Variants in PTPRR observed in about 807,000 individuals in gnomAD.
PTPRR encodes protein tyrosine phosphatase receptor type R, also known as receptor-type tyrosine-protein phosphatase R.
PTPRR carries 38 observed loss-of-function variants against 77.2 expected under a neutral mutation model. That is an observed-to-expected ratio of 0.49 (90% confidence interval 0.38 to 0.65). The LOEUF is 0.65. Among genes scored for constraint, PTPRR ranks in the 30% least tolerant of loss-of-function variants. The pLI is 0.00. For missense variants in PTPRR, 744 were observed against 799.2 expected, an observed-to-expected ratio of 0.93 and a Z score of 0.83; for synonymous variants, 299 against 283.1, an observed-to-expected ratio of 1.06 and a Z score of -0.57.
At chr12:70,681,538 G>A (rs969079588) in intron 10 of PTPRR, among the ~76,000 whole-genome samples, 4 of 152,180 alleles carry the variant, frequency 2.6e-5, no homozygotes, top group African/African-American at 4.8e-5. Context: ...GGGAGATGGC[G>A]GTGTGGCAGA....
At chr12:70,652,941 T>TA (rs1886449905) in intron 13 of PTPRR, among the ~76,000 whole-genome samples, 1 of 152,028 alleles carries the variant, frequency 6.6e-6, no homozygotes, top group Admixed American at 6.6e-5. Context: ...AATGGTAACA[T>TA]AACAAGAGCC....
chr12:70,746,474 A>G (rs1036586761), intron 5 of PTPRR, among the ~76,000 whole-genome samples: 1 of 152,222 alleles, frequency 6.6e-6, no homozygotes, highest in African/African-American at 2.4e-5. Flanking sequence ...TATACATCCA[A>G]CATGGCTTAG....
chr12:70,754,518 T>C (rs1890508610), intron 4 of PTPRR: 1 of 1,581,120 alleles, frequency 6.3e-7, no homozygotes. Flanking sequence ...GGAGCAAGCG[T>C]GCCTGACATG....
chr12:70,720,235 C>T (rs1353058566), intron 6 of PTPRR, among the ~76,000 whole-genome samples: 1 of 152,114 alleles, frequency 6.6e-6, no homozygotes, highest in African/African-American at 2.4e-5. Context: ...ATTACCTGGG[C>T]TCGAATCCTA....
In PTPRR at chr12:70,761,613, C is replaced by T. The variant is rs1890693202; in HGVS notation, c.485G>A (p.Ser162Asn). The change falls in exon 4 of 14, where the codon AGT becomes AAT. Residue 162 changes from serine (S) to asparagine (N), a missense_variant. Physicochemically the swap from Ser to Asn is conservative, Grantham distance 46. Transcript: ENST00000283228. ...TATGGGAGACACAAACAGTTCAATA[C>T]TGTTCTTCTTTCCCTAATAAAAGCA... ...HINRLIGKKNSIELFVSPINR... is the reference protein window; with the variant it reads ...HINRLIGKKNNIELFVSPINR... 1.3e-6 allele frequency: 2 copies of T among 1,579,544 alleles called. No individual in the cohort carries two copies. Among genetic ancestry groups the T allele is most frequent in the Middle Eastern group, 1.7e-4 (1 of 5,902 alleles).
At position 70,707,107 on chromosome 12, in the gene PTPRR, T is replaced by C. The variant is rs75992242; in HGVS notation, c.1008-5784A>G. 5.9e-5 allele frequency among the ~76,000 whole-genome samples: 9 copies of C among 152,258 alleles called. No individual in the cohort carries two copies. The East Asian group carries it at 1.4e-3, about 23-fold the overall frequency. ...TAAGAGTTAGCAGCAGTATCACACA[T>C]GCAAAATCAATGGTCGTCTAAGTTG... On this transcript the variant is annotated intron_variant, in intron 6 of 13. Coordinates refer to ENST00000283228, the MANE Select transcript of PTPRR (RefSeq NM_002849.4).
At chr12:70,658,912 T>TTTTTTTTTTTTTTTTTTTA (rs1886688717) in intron 12 of PTPRR, among the ~76,000 whole-genome samples, 1 of 136,644 alleles carries the variant, frequency 7.3e-6, no homozygotes, top group Non-Finnish European at 1.5e-5. Context: ...TTTTTTTTTT[T>TTTTTTTTTTTTTTTTTTTA]TTTATAAGAC....
rs1245410976 is a variant in PTPRR, at chr12:70,800,945, T to A, written c.358-36167A>T. On this transcript the variant is annotated intron_variant, in intron 2 of 13. Transcript: ENST00000283228. ...ATGACTTTTCCTAAGGCCACATGCC[T>A]ATTAAGTCATGCACCTTCTCCCCAC... 4.0e-5 allele frequency among the ~76,000 whole-genome samples: 6 copies of A among 151,418 alleles called. No individual in the cohort carries two copies. In the East Asian group the frequency reaches 1.2e-3, roughly 29 times the overall value.
chr12:70,822,807 T>C (rs905084458), intron 2 of PTPRR, among the ~76,000 whole-genome samples: 6 of 152,206 alleles, frequency 3.9e-5, no homozygotes, highest in Admixed American at 3.9e-4. Flanking sequence ...ATGGACTTCA[T>C]ACGACCATAA....
chr12:70,663,371 G>A (rs1440941076), intron 10 of PTPRR, among the ~76,000 whole-genome samples: 2 of 152,110 alleles, frequency 1.3e-5, no homozygotes, highest in African/African-American at 4.8e-5. Flanking sequence ...GTGAATCCAC[G>A]AACAAGATAC....
intron 2 of PTPRR, among the ~76,000 whole-genome samples, chr12:70,869,086 AT>A (rs1892915399): frequency 6.7e-6 from 1 of 150,264 alleles, no homozygotes; most frequent in Non-Finnish European, 1.5e-5. Context: ...CTAATGCTAA[AT>A]GACGAGTTAA....
intron 13 of PTPRR, chr12:70,639,557 T>TTA: frequency 8.1e-6 from 9 of 1,114,404 alleles, no homozygotes; most frequent in Non-Finnish European, 1.0e-5. Flanking sequence ...AGCCTAATGA[T>TTA]CAAGTACTTG....
chr12:70,814,582 G>A (rs1306544871), intron 2 of PTPRR, among the ~76,000 whole-genome samples: 2 of 152,134 alleles, frequency 1.3e-5, no homozygotes, highest in Non-Finnish European at 2.9e-5. Flanking sequence ...CTGAACAGCA[G>A]CAAGGCATGG....
At chr12:70,829,771 A>G (rs900098761) in intron 2 of PTPRR, among the ~76,000 whole-genome samples, 10 of 152,170 alleles carry the variant, frequency 6.6e-5, no homozygotes, top group Non-Finnish European at 1.0e-4. Flanking sequence ...TCTGTCAGTC[A>G]ATCAATGGTG....
intron 10 of PTPRR, chr12:70,672,887 A>T (rs1887290150): frequency 1.3e-6 from 2 of 1,555,788 alleles, no homozygotes; most frequent in Non-Finnish European, 1.7e-6. Context: ...CCCTGGTCAT[A>T]GGATGGGGGC....
At chr12:70,887,782 G>A (rs1157611496) in intron 2 of PTPRR, among the ~76,000 whole-genome samples, 1 of 152,002 alleles carries the variant, frequency 6.6e-6, no homozygotes, top group Non-Finnish European at 1.5e-5. Context: ...TGGACTCAGA[G>A]ACACAGGGAT....
chr12:70,888,681 C>T (rs1296224341), intron 2 of PTPRR, among the ~76,000 whole-genome samples: 1 of 152,072 alleles, frequency 6.6e-6, no homozygotes, highest in Non-Finnish European at 1.5e-5. Flanking sequence ...ATACCCTTAA[C>T]ACATATTAAT....
chr12:70,882,573 A>T (rs771889163), intron 2 of PTPRR, among the ~76,000 whole-genome samples: 13 of 152,148 alleles, frequency 8.5e-5, no homozygotes, highest in Non-Finnish European at 1.9e-4. Context: ...TAAAAACTTT[A>T]TTCTCCCATA....
At chr12:70,650,079 T>C (rs183610643) in intron 13 of PTPRR, among the ~76,000 whole-genome samples, 1 of 152,320 alleles carries the variant, frequency 6.6e-6, no homozygotes, top group Admixed American at 6.5e-5. Flanking sequence ...AGTTTCTACA[T>C]TGGAAGATTT....
Sources: allele counts gnomAD v4.1 joint callset (sites outside exome capture counted in the v4.1 genomes callset), GRCh38; gene constraint gnomAD v4.1.1; transcripts MANE v1.5; gene names NCBI Gene and HGNC (gene_info 2026-07-23, HGNC 2026-07-21).